The following RP1 variants were observed in gnomAD, a reference collection of about 807,000 sequenced individuals.
RP1 encodes the protein oxygen-regulated protein 1.
A neutral mutation model predicts 14.8 loss-of-function variants in RP1; 16 were observed. That is an observed-to-expected ratio of 1.08 (90% CI 0.73 to 1.65). RP1 has a LOEUF of 1.65. RP1 is among the 40% of genes most tolerant of loss of function. The pLI is 0.00. For synonymous variants in RP1, 876 were observed against 883.6 expected (o/e 0.99, Z 0.15); for missense variants, 2,631 against 2,535.0 (o/e 1.04, Z -0.81).
exon 15 of RP1, chr8:54,706,589 C>T: frequency 2.0e-6 from 3 of 1,536,030 alleles, no homozygotes; most frequent in Non-Finnish European, 2.6e-6. Context: ...CTGGGATTTG[C>T]ATGTTTGAAA....
At chr8:54,638,906 C>G (rs2375540) in intron 3 of RP1, among the ~76,000 whole-genome samples, 3 of 55,406 alleles carry the variant, frequency 5.4e-5, no homozygotes, top group East Asian at 4.5e-4. Flanking sequence ...CTCTCTCTCT[C>G]TCGGTCTCTC....
At chr8:54,848,773 G>A (rs1448145500) in intron 25 of RP1, among the ~76,000 whole-genome samples, 1 of 152,036 alleles carries the variant, frequency 6.6e-6, no homozygotes, top group East Asian at 1.9e-4. Flanking sequence ...TTTTGAGATG[G>A]AGTATCACTC....
chr8:54,841,473 G>C (rs1009725192), intron 25 of RP1, among the ~76,000 whole-genome samples: 1 of 152,194 alleles, frequency 6.6e-6, no homozygotes, highest in Non-Finnish European at 1.5e-5. Context: ...GATTAATTTT[G>C]TGACATTGTC....
At position 54,741,707 on chromosome 8, in the gene RP1, GTATATATATATATATATATA is replaced by G. The variant is rs372225314; in HGVS notation, c.2808+2702_2808+2721del. ...TGTACATATAAATACAAATGTGTGTGTATATATATATATATATATATATATATATATATATATATATATGT... is the reference window on the plus strand; with the variant it reads ...TGTACATATAAATACAAATGTGTGTGTATATATATATATATATATATATGT... On this transcript the variant is annotated intron_variant, in intron 19 of 22. Transcript: ENST00000636932. Among the ~76,000 whole-genome samples, 566 of 58,052 alleles carry G rather than the reference GTATATATATATATATATATA, an allele frequency of 9.7e-3. 22 individuals are homozygous for G. Among genetic ancestry groups the G allele is most frequent in the Admixed American group, 0.095 (495 of 5,226 alleles). 38.1% of individuals were successfully genotyped at this position (58,052 alleles called of 152,430 possible). A position where few individuals can be genotyped will look rare whatever the true frequency, so the allele number is the denominator to read the frequency against.
intron 2 of RP1, 70 bp from the exon 3 acceptor site, chr8:54,622,047 G>A (rs1805894910): frequency 3.3e-6 from 5 of 1,517,260 alleles, no homozygotes; most frequent in Non-Finnish European, 3.6e-6. Flanking sequence ...TTTGATTCAA[G>A]CAAAGTTATA....
At chr8:54,673,878 A>G (rs1371805412) in exon 8 of RP1, 1 of 1,535,898 alleles carries the variant, frequency 6.5e-7, no homozygotes. Context: ...GAGGCTGTGC[A>G]CCTTGGAGAT....
chr8:54,750,023 C>T (rs1324069383), intron 19 of RP1, among the ~76,000 whole-genome samples: 1 of 152,128 alleles, frequency 6.6e-6, no homozygotes, highest in African/African-American at 2.4e-5. Flanking sequence ...GTTGTCTTCC[C>T]AGATGGTCGT....
At chr8:54,596,585 A>G (rs544232475) in intron 1 of RP1, among the ~76,000 whole-genome samples, 46 of 152,318 alleles carry the variant, frequency 3.0e-4, no homozygotes, top group Non-Finnish European at 5.4e-4. Context: ...TCTTGATTTA[A>G]CATTGTTTTT....
rs1008052776 is a variant in RP1, at chr8:54,671,088, T to A, written c.1324-2762T>A. ...GGAAAGTCTTAATTTCTTCTCCACT[T>A]TTGACAGTTTTGCCTGATGTAGAAT... On this transcript the variant is annotated intron_variant, in intron 7 of 22. Transcript: ENST00000636932. Among the ~76,000 whole-genome samples, 105 of 152,118 alleles carry A rather than the reference T, an allele frequency of 6.9e-4. 1 individual carries two copies. Among genetic ancestry groups the A allele is most frequent in the Admixed American group, 7.9e-4 (12 of 15,252 alleles).
chr8:54,676,471 A>G (rs1807297057), intron 8 of RP1, among the ~76,000 whole-genome samples: 1 of 152,220 alleles, frequency 6.6e-6, no homozygotes, highest in Non-Finnish European at 1.5e-5. Context: ...AAAGAAAGGA[A>G]AGTCTGCAGA....
intron 26 of RP1, among the ~76,000 whole-genome samples, chr8:54,853,930 G>A (rs1812123871): frequency 7.0e-6 from 1 of 143,602 alleles, no homozygotes; most frequent in South Asian, 2.2e-4. Flanking sequence ...AAAAGGGAGA[G>A]AGAGAGAAAG....
chr8:54,655,111 AT>A, intron 5 of RP1, among the ~76,000 whole-genome samples: 1 of 152,254 alleles, frequency 6.6e-6, no homozygotes. Context: ...TTCTGTAAAC[AT>A]TTCATTATAC....
intron 3 of RP1, among the ~76,000 whole-genome samples, chr8:54,636,544 C>G (rs1482249170): frequency 6.6e-6 from 1 of 152,184 alleles, no homozygotes; most frequent in Non-Finnish European, 1.5e-5. Context: ...TCAAGACCAG[C>G]CTGGCCAACA....
chr8:54,793,980 A>G (rs1810525229), intron 24 of RP1, among the ~76,000 whole-genome samples: 1 of 152,018 alleles, frequency 6.6e-6, no homozygotes, highest in African/African-American at 2.4e-5. Context: ...GCAAGCTACA[A>G]AATCAACATT....
At chr8:54,832,602 G>T (rs186943078) in intron 24 of RP1, among the ~76,000 whole-genome samples, 24 of 151,670 alleles carry the variant, frequency 1.6e-4, no homozygotes, top group African/African-American at 5.6e-4. Context: ...CATGTTATTT[G>T]CAGGTGTATT....
At chr8:54,731,684 G>A (rs185711881) in intron 17 of RP1, among the ~76,000 whole-genome samples, 78 of 152,198 alleles carry the variant, frequency 5.1e-4, no homozygotes, top group Admixed American at 3.6e-3. Flanking sequence ...GTTAATGCAG[G>A]AATAAGGGGC....
downstream of RP1, among the ~76,000 whole-genome samples, chr8:54,773,950 C>T (rs1003935992): frequency 1.3e-5 from 2 of 152,084 alleles, no homozygotes; most frequent in African/African-American, 2.4e-5. Flanking sequence ...TTTTTCTCTC[C>T]TCTCAGTTCT....
chr8:54,770,049 C>A, downstream of RP1: 1 of 444,480 alleles, frequency 2.2e-6, no homozygotes. Context: ...GTTAAACTCA[C>A]GTTTCTTCTT....
chr8:54,663,379 A>G (rs889311096), intron 6 of RP1, among the ~76,000 whole-genome samples: 2 of 152,242 alleles, frequency 1.3e-5, no homozygotes, highest in Non-Finnish European at 2.9e-5. Flanking sequence ...AGAAAAAAAA[A>G]GTATGTCAAA....
Sources: allele counts gnomAD v4.1 joint callset (sites outside exome capture counted in the v4.1 genomes callset), GRCh38; gene constraint gnomAD v4.1.1; transcripts MANE v1.5; gene names NCBI Gene and HGNC (gene_info 2026-07-23, HGNC 2026-07-21).